PPP6C: variants seen among roughly 807,000 people sequenced by gnomAD.
PPP6C encodes protein phosphatase 6 catalytic subunit.
A neutral mutation model predicts 39.8 loss-of-function variants in PPP6C; 11 were observed. The observed-to-expected ratio is 0.28, with a 90% CI of 0.17 to 0.46. The LOEUF (loss-of-function observed/expected upper bound fraction) is 0.46, where lower values mean the gene tolerates loss of function less well. PPP6C is among the 20% of genes least tolerant of loss of function. The pLI is 1.00. For missense variants in PPP6C, 211 were observed against 373.9 expected (o/e 0.56, Z 3.59); for synonymous variants, 129 against 130.3 (o/e 0.99, Z 0.07).
At chr9:125,181,460 T>G (rs769980593) in intron 1 of PPP6C, among the ~76,000 whole-genome samples, 9 of 152,064 alleles carry the variant, frequency 5.9e-5, no homozygotes, top group Non-Finnish European at 1.2e-4. Context: ...CAATCGGTAT[T>G]TCTCCTAATG....
At chr9:125,170,338 G>T (rs910862539) in intron 2 of PPP6C, among the ~76,000 whole-genome samples, 5 of 151,826 alleles carry the variant, frequency 3.3e-5, no homozygotes, top group Admixed American at 1.3e-4. Flanking sequence ...CCGGGTTCAA[G>T]AGATTCTCCT....
chr9:125,171,468 CACACACACACATATATATATATATATAT>C (rs1829152009), intron 1 of PPP6C, among the ~76,000 whole-genome samples: 1 of 71,538 alleles, frequency 1.4e-5, no homozygotes, highest in Admixed American at 1.5e-4. Context: ...TATACACACA[CACACACACACATATATATATATATATAT>C]ATATATATAT....
intron 1 of PPP6C, 120 bp from the exon 2 acceptor site, chr9:125,171,300 G>T (rs1364320861): frequency 1.5e-6 from 1 of 679,148 alleles, no homozygotes; most frequent in Non-Finnish European, 2.3e-6. Context: ...TTTTTGATAG[G>T]AAAGTACCCT....
At chr9:125,167,427 A>T (rs1218562274) in intron 2 of PPP6C, among the ~76,000 whole-genome samples, 1 of 146,218 alleles carries the variant, frequency 6.8e-6, no homozygotes, top group Non-Finnish European at 1.5e-5. Flanking sequence ...GGGCATGGTG[A>T]CTCACGCCTG....
At position 125,171,046 on chromosome 9, in the gene PPP6C, G is replaced by A. The variant is rs760238580; in HGVS notation, c.171+39C>T. Reference sequence around the variant, plus strand: ...CATGTGAAAACACACATGGATCATGGACAGTACAAAACTTAAAAATCTGCT... The same window carrying A: ...CATGTGAAAACACACATGGATCATGAACAGTACAAAACTTAAAAATCTGCT... On this transcript the variant is annotated intron_variant, in intron 2 of 6. Coordinates refer to ENST00000373547, the MANE Select transcript of PPP6C (RefSeq NM_002721.5). 5.1e-6 allele frequency: 7 copies of A among 1,365,484 alleles called. No individual in the cohort carries two copies. In the East Asian group the frequency reaches 1.7e-4, roughly 33 times the overall value. The allele number at this position is 1,365,484 out of a possible 1,614,324, so 84.6% of individuals were successfully genotyped here.
intron 1 of PPP6C, among the ~76,000 whole-genome samples, chr9:125,188,144 G>C (rs545027741): frequency 6.6e-6 from 1 of 152,170 alleles, no homozygotes; most frequent in Non-Finnish European, 1.5e-5. Context: ...CCAGCACTTT[G>C]GGAGGCCGAG....
chr9:125,154,061 C>G, intron 4 of PPP6C, 76 bp from the exon 5 acceptor site: 2 of 1,105,656 alleles, frequency 1.8e-6, no homozygotes. Context: ...ACTAGAGCAG[C>G]CTTCAGTACA....
chr9:125,170,731 A>G (rs141823367), intron 2 of PPP6C, among the ~76,000 whole-genome samples: 1 of 152,350 alleles, frequency 6.6e-6, no homozygotes, highest in East Asian at 1.9e-4. Flanking sequence ...GAACTGAATG[A>G]AAAAAGTGCC....
chr9:125,158,106 A>G, intron 4 of PPP6C, 135 bp downstream of exon 4: 3 of 904,856 alleles, frequency 3.3e-6, no homozygotes, highest in South Asian at 1.8e-5. Flanking sequence ...AAGATTTTCA[A>G]TTGTTTGGGA....
intron 1 of PPP6C, among the ~76,000 whole-genome samples, chr9:125,175,235 T>C (rs533735759): frequency 6.6e-6 from 1 of 151,638 alleles, no homozygotes; most frequent in African/African-American, 2.4e-5. Flanking sequence ...AAGCAAAAAA[T>C]AGATGCTGGT....
chr9:125,153,823 T>A, intron 5 of PPP6C, 81 bp from the exon 6 acceptor site: 2 of 1,526,822 alleles, frequency 1.3e-6, no homozygotes, highest in Non-Finnish European at 1.8e-6. Context: ...AAGATATCAA[T>A]ATAATTGAGA....
At chr9:125,163,627 C>CAA (rs1008229196) in intron 2 of PPP6C, among the ~76,000 whole-genome samples, 1 of 151,986 alleles carries the variant, frequency 6.6e-6, no homozygotes, top group African/African-American at 2.4e-5. Flanking sequence ...GACGGGGTTT[C>CAA]ACCATGTTGG....
intron 1 of PPP6C, among the ~76,000 whole-genome samples, chr9:125,180,021 G>A (rs1829389597): frequency 6.6e-6 from 1 of 151,970 alleles, no homozygotes; most frequent in African/African-American, 2.4e-5. Context: ...CCCTTTGAAG[G>A]GTAAGAGTCA....
intron 1 of PPP6C, among the ~76,000 whole-genome samples, chr9:125,181,322 G>T (rs1829417969): frequency 6.6e-6 from 1 of 151,808 alleles, no homozygotes; most frequent in African/African-American, 2.4e-5. Flanking sequence ...CTTTTTTTGT[G>T]TTCTGTTTTC....
At chr9:125,170,415 T>G (rs1316650358) in intron 2 of PPP6C, among the ~76,000 whole-genome samples, 3 of 151,954 alleles carry the variant, frequency 2.0e-5, no homozygotes, top group Non-Finnish European at 4.4e-5. Context: ...TTTTTTGTAT[T>G]TTCAGTAGAG....
rs1454547886 is a variant in PPP6C, at chr9:125,154,005, G to A, written c.380-20C>T. 6.5e-7 allele frequency: 1 copy of A among 1,534,168 alleles called. No individual in the cohort carries two copies. The highest frequency in any genetic ancestry group is 9.0e-7 in the Non-Finnish European group (1 of 1,111,194). On this transcript the variant is annotated intron_variant, in intron 4 of 6. Coordinates refer to ENST00000373547, the MANE Select transcript of PPP6C (RefSeq NM_002721.5). ...ACTCATCTGTGAAAGAAACAGAAGG[G>A]TTTTAATTAATGAATCTGCTAATAA...
chr9:125,184,342 C>T (rs1399626291), intron 1 of PPP6C, among the ~76,000 whole-genome samples: 2 of 151,758 alleles, frequency 1.3e-5, no homozygotes, highest in African/African-American at 2.4e-5. Flanking sequence ...GAGCCGAGAT[C>T]GCGCCATTAC....
intron 1 of PPP6C, among the ~76,000 whole-genome samples, chr9:125,177,589 C>A (rs1372057055): frequency 6.6e-6 from 1 of 152,056 alleles, no homozygotes; most frequent in African/African-American, 2.4e-5. Context: ...TTCCCATATA[C>A]CCCCTGCCCC....
chr9:125,184,471 C>A (rs1829483124), intron 1 of PPP6C, among the ~76,000 whole-genome samples: 1 of 151,346 alleles, frequency 6.6e-6, no homozygotes, highest in Non-Finnish European at 1.5e-5. Flanking sequence ...GCAGAAGGAT[C>A]AATTGAGCCC....
Sources: gnomAD v4.1 joint callset for allele counts (sites outside exome capture counted in the v4.1 genomes callset) on GRCh38, gnomAD v4.1.1 for gene constraint, MANE v1.5 for transcripts, NCBI Gene and HGNC (gene_info 2026-07-23, HGNC 2026-07-21) for gene names.